TPO: variants seen among roughly 807,000 people sequenced by gnomAD.
TPO encodes thyroid microsomal antigen.
Under a neutral mutation model 96.9 loss-of-function variants are expected in TPO, and 78 were observed. The observed-to-expected ratio is 0.81, with a 90% CI of 0.67 to 0.97. The LOEUF is 0.97. Among genes scored for constraint, TPO ranks in the 50% least tolerant of loss-of-function variants. The probability of loss-of-function intolerance (pLI) is 0.00; values close to 1 mark genes in which losing one functional copy is unlikely to be tolerated. For missense variants in TPO, 1,252 were observed against 1,274.8 expected, an observed-to-expected ratio of 0.98 and a Z score of 0.27; for synonymous variants, 547 against 538.0, an observed-to-expected ratio of 1.02 and a Z score of -0.23.
intron 1 of TPO, among the ~76,000 whole-genome samples, chr2:1,401,644 T>C (rs1350065327): frequency 6.6e-6 from 1 of 152,122 alleles, no homozygotes; most frequent in Non-Finnish European, 1.5e-5. Flanking sequence ...CTGCCCATCC[T>C]GCTACCTCCT....
At chr2:1,430,946 T>G (rs368540260) in intron 3 of TPO, among the ~76,000 whole-genome samples, 3 of 152,226 alleles carry the variant, frequency 2.0e-5, no homozygotes, top group African/African-American at 7.2e-5. Flanking sequence ...GATGAGACTT[T>G]GGACTTGGGA....
intron 15 of TPO, among the ~76,000 whole-genome samples, chr2:1,527,376 G>A (rs1676833343): frequency 1.0e-5 from 1 of 97,634 alleles, no homozygotes; most frequent in African/African-American, 4.5e-5. Context: ...CCCGCACTGT[G>A]TGCAACCACC....
intron 13 of TPO, among the ~76,000 whole-genome samples, chr2:1,502,653 G>C (rs184193633): frequency 3.9e-5 from 6 of 152,220 alleles, no homozygotes; most frequent in Non-Finnish European, 7.4e-5. Context: ...GCCTCCCAAA[G>C]TGCTGGGATT....
rs1662026611 is a variant in TPO, at chr2:1,392,976, CTT to C, written n.180+18576_180+18577del. 3.3e-5 allele frequency among the ~76,000 whole-genome samples: 5 copies of C among 152,128 alleles called. No homozygotes were observed. In the South Asian group the frequency reaches 8.3e-4, roughly 25 times the overall value. On this transcript the variant is annotated intron_variant and non_coding_transcript_variant, in intron 1 of 5. Coordinates refer to the TPO transcript ENST00000497517. ...GAGTGTGTAAAGAGTCATATAGACT[CTT>C]TGTCATCACTGGCTTTACTTTAAGG... is the stretch of plus-strand genomic sequence containing the variant.
intron 1 of TPO, among the ~76,000 whole-genome samples, chr2:1,385,680 A>AT (rs1419977428): frequency 6.6e-6 from 1 of 150,418 alleles, no homozygotes; most frequent in Non-Finnish European, 1.5e-5. Context: ...GGATTAACTG[A>AT]TTTTTTGAAG....
At chr2:1,529,032 G>A (rs1363222176) in intron 15 of TPO, among the ~76,000 whole-genome samples, 2 of 131,312 alleles carry the variant, frequency 1.5e-5, no homozygotes, top group African/African-American at 6.3e-5. Flanking sequence ...TCCCAACTCT[G>A]TGCAACCTCC....
intron 8 of TPO, among the ~76,000 whole-genome samples, chr2:1,482,631 G>A (rs1259482965): frequency 1.3e-5 from 2 of 152,182 alleles, no homozygotes; most frequent in South Asian, 2.1e-4. Context: ...ATTTCCAGAA[G>A]AATTGCCATG....
intron 14 of TPO, among the ~76,000 whole-genome samples, chr2:1,515,880 G>A (rs1270151927): frequency 6.6e-6 from 1 of 151,958 alleles, no homozygotes; most frequent in Non-Finnish European, 1.5e-5. Context: ...GTTTATCCAG[G>A]GCGACCCATG....
At chr2:1,403,838 T>A (rs1198709312) in intron 1 of TPO, among the ~76,000 whole-genome samples, 1 of 151,976 alleles carries the variant, frequency 6.6e-6, no homozygotes, top group Non-Finnish European at 1.5e-5. Context: ...CCCCACCAAA[T>A]CTCCCCTCTG....
At chr2:1,540,512 CCGTCGCT>C in intron 15 of TPO, 75 bp from the exon 16 acceptor site, 1 of 1,600,796 alleles carries the variant, frequency 6.2e-7, no homozygotes, top group Non-Finnish European at 8.5e-7. Flanking sequence ...GGCTGCCTTG[CCGTCGCT>C]CGTGCCGTGC....
chr2:1,518,125 A>C (rs944137018), intron 15 of TPO, among the ~76,000 whole-genome samples: 4 of 152,082 alleles, frequency 2.6e-5, no homozygotes, highest in Non-Finnish European at 5.9e-5. Flanking sequence ...ACCCGATACC[A>C]CATATCTATG....
chr2:1,532,032 T>G lies in TPO; in HGVS notation c.2619-8562T>G, dbSNP rs569578802. Among the ~76,000 whole-genome samples the G allele has an allele frequency of 1.0e-3, 44 of 44,004 alleles. 2 individuals carry two copies. The highest frequency in any genetic ancestry group is 3.3e-3 in the African/African-American group (43 of 12,972). The allele number at this position is 44,004 out of a possible 152,430, so 28.9% of individuals were successfully genotyped here. ...TTGTGTGCAACGTCCTCAAATCCCC[T>G]CACTGTGTGCAACCTCCCCAAATAC... is the stretch of plus-strand genomic sequence containing the variant. On this transcript the variant is annotated intron_variant, in intron 15 of 16. Coordinates refer to ENST00000329066, the MANE Select transcript of TPO (RefSeq NM_001206744.2).
chr2:1,531,026 TC>T (rs1678032826), intron 15 of TPO, among the ~76,000 whole-genome samples: 8 of 58,820 alleles, frequency 1.4e-4, no homozygotes, highest in East Asian at 5.2e-4. Context: ...ACCCTATCTT[TC>T]CCACTGTGTG....
intron 1 of TPO, among the ~76,000 whole-genome samples, chr2:1,395,684 G>A (rs763435994): frequency 1.1e-4 from 16 of 152,134 alleles, no homozygotes; most frequent in Admixed American, 6.5e-5. Context: ...GGGACCTGGT[G>A]GGAGGTAATT....
chr2:1,431,645 A>T (rs963840980), intron 3 of TPO, among the ~76,000 whole-genome samples: 1 of 152,236 alleles, frequency 6.6e-6, no homozygotes, highest in African/African-American at 2.4e-5. Flanking sequence ...GAGAGCACTT[A>T]AAATCTCTCT....
chr2:1,418,271 T>G (rs1573093387), intron 2 of TPO, among the ~76,000 whole-genome samples: 3 of 131,546 alleles, frequency 2.3e-5, no homozygotes, highest in Non-Finnish European at 3.1e-5. Flanking sequence ...GGTGACAGAG[T>G]GAGAATCCAT....
intron 3 of TPO, among the ~76,000 whole-genome samples, chr2:1,424,072 T>C (rs4328675): frequency 0.82 from 124,192 of 152,132 alleles, 50,838 homozygotes; most frequent in African/African-American, 0.85. Context: ...AGGATGCACC[T>C]GTGACGCAGT....
chr2:1,511,314 G>A (rs12105080), intron 14 of TPO, among the ~76,000 whole-genome samples: 5,039 of 14,410 alleles, frequency 0.35, 954 homozygotes, highest in South Asian at 0.5. Context: ...GTGCCACAGC[G>A]CAGCCCTGCA....
intron 1 of TPO, among the ~76,000 whole-genome samples, chr2:1,388,276 G>C (rs1661934337): frequency 6.6e-6 from 1 of 152,180 alleles, no homozygotes; most frequent in Non-Finnish European, 1.5e-5. Context: ...GGTTTCTGCT[G>C]CCTTTTGTTT....
Sources: allele counts gnomAD v4.1 joint callset (sites outside exome capture counted in the v4.1 genomes callset), GRCh38; gene constraint gnomAD v4.1.1; transcripts MANE v1.5; gene names NCBI Gene and HGNC (gene_info 2026-07-23, HGNC 2026-07-21).